The following KRT8 variants were observed in gnomAD, a reference collection of about 807,000 sequenced individuals.
KRT8 encodes the protein keratin 8, also known as keratin, type II cytoskeletal 8.
Under a neutral mutation model 43.0 loss-of-function variants are expected in KRT8, and 24 were observed. The observed-to-expected ratio is 0.56, with a 90% CI of 0.40 to 0.78. The LOEUF (loss-of-function observed/expected upper bound fraction) is 0.78, where lower values mean the gene tolerates loss of function less well. Ranked by LOEUF, KRT8 falls within the 30% of genes least tolerant of loss-of-function variation. KRT8 has a pLI of 0.00. For missense variants in KRT8, 492 were observed against 638.4 expected (o/e 0.77, Z 2.47); for synonymous variants, 214 against 261.2 (o/e 0.82, Z 1.74).
chr12:52,949,510 C>T (rs777429135), exon 2 of KRT8: 2 of 1,613,578 alleles, frequency 1.2e-6, no homozygotes, highest in Non-Finnish European at 1.7e-6. Flanking sequence ...GAGCAAAATC[C>T]GGGAGCACTT....
intron 2 of KRT8, among the ~76,000 whole-genome samples, chr12:52,924,471 C>A (rs940689541): frequency 2.0e-5 from 3 of 150,682 alleles, no homozygotes; most frequent in East Asian, 3.9e-4. Flanking sequence ...AAAAATCATA[C>A]TTGATTTGGG....
At chr12:52,943,176 C>T (rs1343147374) in intron 2 of KRT8, among the ~76,000 whole-genome samples, 5 of 152,152 alleles carry the variant, frequency 3.3e-5, no homozygotes, top group East Asian at 1.9e-4. Flanking sequence ...ACCTAACAAC[C>T]GCTTGGCCTC....
intron 2 of KRT8, among the ~76,000 whole-genome samples, chr12:52,916,325 AG>A (rs1941739514): frequency 6.6e-6 from 1 of 152,220 alleles, no homozygotes; most frequent in Non-Finnish European, 1.5e-5. Context: ...AGGAGCAGGA[AG>A]ATAGGGATGG....
exon 1 of KRT8, chr12:52,904,983 G>A: frequency 6.2e-7 from 1 of 1,607,130 alleles, no homozygotes; most frequent in Non-Finnish European, 8.5e-7. Flanking sequence ...GATGGACATG[G>A]TAGAGGCAGG....
At chr12:52,923,408 A>C (rs1941925395) in intron 2 of KRT8, among the ~76,000 whole-genome samples, 1 of 151,510 alleles carries the variant, frequency 6.6e-6, no homozygotes, top group Admixed American at 6.6e-5. Context: ...TTTATTCCTA[A>C]ATTGTTTTGT....
At chr12:52,918,209 A>AAGAAGAAGG (rs1565725747) in intron 2 of KRT8, among the ~76,000 whole-genome samples, 9 of 113,440 alleles carry the variant, frequency 7.9e-5, no homozygotes, top group Non-Finnish European at 1.5e-4. Context: ...GAAGAACAAG[A>AAGAAGAAGG]AGAAGAAGAA....
intron 2 of KRT8, among the ~76,000 whole-genome samples, chr12:52,940,159 G>A (rs367735834): frequency 1.3e-5 from 2 of 150,644 alleles, no homozygotes; most frequent in Non-Finnish European, 3.0e-5. Flanking sequence ...CAGGCCAGGC[G>A]TGGTGGCTCA....
chr12:52,900,557 G>A, intron 4 of KRT8, 31 bp downstream of exon 4: 2 of 1,426,594 alleles, frequency 1.4e-6, no homozygotes, highest in African/African-American at 1.4e-5. Context: ...AAGGCTGGGG[G>A]ACCCTCACTC....
intron 2 of KRT8, among the ~76,000 whole-genome samples, chr12:52,923,851 A>C (rs1204159940): frequency 6.6e-6 from 1 of 151,104 alleles, no homozygotes; most frequent in African/African-American, 2.4e-5. Flanking sequence ...AAAGCATTAT[A>C]TATTTTTTTT....
chr12:52,902,975 G>A (rs1214872886), intron 1 of KRT8, among the ~76,000 whole-genome samples: 1 of 152,058 alleles, frequency 6.6e-6, no homozygotes, highest in Non-Finnish European at 1.5e-5. Context: ...TCACACCACT[G>A]CACTCCAGCC....
exon 8 of KRT8, chr12:52,897,346 A>C (rs749456634): frequency 7.8e-7 from 1 of 1,288,386 alleles, no homozygotes; most frequent in East Asian, 2.3e-5. Context: ...TCCTGTTCCC[A>C]GTGCTACCCT....
At chr12:52,916,083 G>A (rs1941734755) in intron 2 of KRT8, among the ~76,000 whole-genome samples, 1 of 152,214 alleles carries the variant, frequency 6.6e-6, no homozygotes, top group African/African-American at 2.4e-5. Flanking sequence ...CTATGGAAGA[G>A]TAGAAAAGCT....
At chr12:52,931,401 G>A (rs1282059212) in intron 2 of KRT8, among the ~76,000 whole-genome samples, 2 of 152,040 alleles carry the variant, frequency 1.3e-5, no homozygotes, top group South Asian at 2.1e-4. Context: ...GTTTCCCTTG[G>A]TTTTTGGTAA....
intron 2 of KRT8, among the ~76,000 whole-genome samples, chr12:52,914,957 T>A (rs1454427391): frequency 6.6e-6 from 1 of 152,146 alleles, no homozygotes; most frequent in African/African-American, 2.4e-5. Context: ...CACATGCTCA[T>A]CTCTGAACCA....
chr12:52,934,344 T>G (rs994237429), intron 2 of KRT8, among the ~76,000 whole-genome samples: 16 of 151,560 alleles, frequency 1.1e-4, no homozygotes, highest in Admixed American at 1.3e-4. Context: ...GCGGATCACT[T>G]GAGGTCTGAG....
intron 7 of KRT8, 136 bp from the exon 8 acceptor site, chr12:52,897,754 A>G: frequency 8.4e-7 from 1 of 1,184,282 alleles, no homozygotes; most frequent in Middle Eastern, 2.8e-4. Context: ...CAGTGATTGC[A>G]TGGTTCACTA....
At chr12:52,949,013 C>T in intron 2 of KRT8, 15 of 612,500 alleles carry the variant, frequency 2.4e-5, no homozygotes, top group Non-Finnish European at 3.6e-5. Context: ...GGGCGGAGGG[C>T]GCGGGCTCCG....
At chr12:52,941,478 CTTTTTT>C (rs774607187) in intron 2 of KRT8, among the ~76,000 whole-genome samples, 2 of 72,574 alleles carry the variant, frequency 2.8e-5, no homozygotes, top group Admixed American at 2.0e-4. Flanking sequence ...AGTTTTTGCT[CTTTTTT>C]TTTTTTTTTT....
exon 5 of KRT8, chr12:52,899,869 T>C (rs772265297): frequency 6.2e-7 from 1 of 1,612,486 alleles, no homozygotes; most frequent in Non-Finnish European, 8.5e-7. Context: ...GTCATCCCCG[T>C]GCTTCCCAGC....
Sources: allele counts gnomAD v4.1 joint callset (sites outside exome capture counted in the v4.1 genomes callset), GRCh38; gene constraint gnomAD v4.1.1; transcripts MANE v1.5; gene names NCBI Gene and HGNC (gene_info 2026-07-23, HGNC 2026-07-21).